Variants in ARHGAP39 observed in about 807,000 individuals in gnomAD.
ARHGAP39 encodes the protein rho GTPase-activating protein 39.
A neutral mutation model predicts 106.9 loss-of-function variants in ARHGAP39; 44 were observed. The ratio of observed to expected loss-of-function variants is 0.41; its 90% CI spans 0.32 to 0.53. ARHGAP39 has a LOEUF of 0.53. Among genes scored for constraint, ARHGAP39 ranks in the 20% least tolerant of loss-of-function variants. The pLI, the probability that ARHGAP39 is intolerant of heterozygous loss-of-function variation, is 0.21. For synonymous variants in ARHGAP39, 768 were observed against 693.2 expected (o/e 1.11, Z -1.69); for missense variants, 1,496 against 1,577.3 (o/e 0.95, Z 0.87).
intron 1 of ARHGAP39, among the ~76,000 whole-genome samples, chr8:144,630,808 G>C (rs891208023): frequency 1.3e-5 from 2 of 152,238 alleles, no homozygotes; most frequent in African/African-American, 2.4e-5. Flanking sequence ...CCTTGCTCAC[G>C]GACTTCCCAG....
At position 144,561,844 on chromosome 8, in the gene ARHGAP39, G is replaced by A. The variant is rs866927943; in HGVS notation, c.513-6201C>T. On this transcript the variant is annotated intron_variant, in intron 3 of 11. Coordinates refer to ENST00000377307, the MANE Select transcript of ARHGAP39 (RefSeq NM_025251.3). ...TCCCAGTGGTTTCCATCGGGCTCCA[G>A]TGGTTTCCATTGGACTCACCCCAGT... Among the ~76,000 whole-genome samples, 57 of 141,518 alleles carry A rather than the reference G, an allele frequency of 4.0e-4. 1 individual carries two copies. Among genetic ancestry groups the A allele is most frequent in the Middle Eastern group, 5.3e-3 (1 of 190 alleles). The allele number at this position is 141,518 out of a possible 152,430, so 92.8% of individuals were successfully genotyped here.
chr8:144,552,233 C>T (rs1218270798), intron 4 of ARHGAP39, among the ~76,000 whole-genome samples: 1 of 152,238 alleles, frequency 6.6e-6, no homozygotes, highest in East Asian at 1.9e-4. Flanking sequence ...AGGGCTGCTT[C>T]TCCCAGAGCC....
chr8:144,697,052 C>T, the ARHGAP39 span, among the ~76,000 whole-genome samples: 4 of 152,078 alleles, frequency 2.6e-5, no homozygotes, highest in East Asian at 1.9e-4. Flanking sequence ...TGGTCGGGCG[C>T]GGTGGCTCAT....
intron 7 of ARHGAP39, 97 bp from the exon 8 acceptor site, chr8:144,534,299 G>T: frequency 7.1e-7 from 1 of 1,400,698 alleles, no homozygotes; most frequent in Non-Finnish European, 1.0e-6. Flanking sequence ...GGCCCTGGGG[G>T]GCTGGGCTGG....
chr8:144,561,701 A>G (rs1251332220), intron 3 of ARHGAP39, among the ~76,000 whole-genome samples: 3 of 148,086 alleles, frequency 2.0e-5, no homozygotes, highest in Non-Finnish European at 4.4e-5. Flanking sequence ...AGTGGTTTCC[A>G]TCACACTCCA....
intron 2 of ARHGAP39, among the ~76,000 whole-genome samples, chr8:144,603,278 G>A (rs1409546211): frequency 6.6e-6 from 1 of 150,868 alleles, no homozygotes. Flanking sequence ...TGTGCGTGGA[G>A]GTGTGTGTGC....
chr8:144,547,762 C>T lies in ARHGAP39; in HGVS notation c.1324G>A (p.Gly442Ser), dbSNP rs2130844160. 1 of 1,598,384 alleles carries T rather than the reference C, an allele frequency of 6.3e-7. No homozygotes were observed. The highest frequency in any genetic ancestry group is 8.5e-7 in the Non-Finnish European group (1 of 1,177,430). The change falls in exon 5 of 12, where the codon GGC becomes AGC. Residue 442 changes from glycine to serine, a missense_variant. Around this residue, in one of 4 missense-constraint regions of ARHGAP39, gnomAD observed 905 missense variants for 816.4 expected, o/e 1.11. Transcript: ENST00000377307. The surrounding 1 kb of genome is among the most constrained non-coding windows in gnomAD (Gnocchi z 5.2). ...GTGCTGTAGTCTCCGGACTTGACGC[C>T]CAGGCGCTGGTCCCTCAGCAGGCAG... Reference protein sequence around the residue: ...SPCLLRDQRLGVKSGDYSTME... With the variant: ...SPCLLRDQRLSVKSGDYSTME...
At chr8:144,579,617 G>C (rs1432671334) in intron 3 of ARHGAP39, among the ~76,000 whole-genome samples, 2 of 152,134 alleles carry the variant, frequency 1.3e-5, no homozygotes, top group Non-Finnish European at 2.9e-5. Context: ...CCGGGTCCAC[G>C]GGATGAACCT....
At chr8:144,563,832 T>C (rs1449241972) in intron 3 of ARHGAP39, among the ~76,000 whole-genome samples, 1 of 152,080 alleles carries the variant, frequency 6.6e-6, no homozygotes, top group Non-Finnish European at 1.5e-5. Flanking sequence ...AAGTGCACAA[T>C]TAATGACTTT....
At position 144,540,894 on chromosome 8, in the gene ARHGAP39, C is replaced by T. The variant is rs138360691; in HGVS notation, c.2522-3081G>A. ...TTTGAAACAGTCTTGCTCTGTTGCC[C>T]AGGCTAGAGTGCAATGGCAAGATCT... is the stretch of plus-strand genomic sequence containing the variant. On this transcript the variant is annotated intron_variant, in intron 6 of 11. Transcript: ENST00000377307. 3.9e-3 allele frequency among the ~76,000 whole-genome samples: 590 copies of T among 152,342 alleles called. 3 individuals are homozygous for T. Among genetic ancestry groups the T allele is most frequent in the African/African-American group, 0.014 (572 of 41,566 alleles).
intron 2 of ARHGAP39, among the ~76,000 whole-genome samples, chr8:144,582,016 C>T (rs1299063471): frequency 2.0e-5 from 3 of 152,140 alleles, no homozygotes; most frequent in African/African-American, 7.2e-5. Context: ...GCCTGGTCCT[C>T]GCCATCACCG....
intron 2 of ARHGAP39, among the ~76,000 whole-genome samples, chr8:144,601,049 T>G (rs928104141): frequency 6.3e-5 from 9 of 142,346 alleles, no homozygotes; most frequent in African/African-American, 2.4e-4. Context: ...TGTGTGCACA[T>G]GGAGGCGTGC....
intron 1 of ARHGAP39, among the ~76,000 whole-genome samples, chr8:144,607,235 CAAA>C (rs1167793437): frequency 7.5e-4 from 38 of 50,698 alleles, no homozygotes; most frequent in Middle Eastern, 8.5e-3. Context: ...GACATTGTCT[CAAA>C]AAAAAAAAAA....
At chr8:144,555,378 G>A (rs1276646459) in intron 4 of ARHGAP39, among the ~76,000 whole-genome samples, 182 bp downstream of exon 4, 2 of 152,182 alleles carry the variant, frequency 1.3e-5, no homozygotes, top group Non-Finnish European at 2.9e-5. Flanking sequence ...CTGCCAATGG[G>A]CCTGGGGCAG....
intron 1 of ARHGAP39, among the ~76,000 whole-genome samples, chr8:144,649,507 C>T (rs990774429): frequency 6.6e-6 from 1 of 152,054 alleles, no homozygotes; most frequent in Admixed American, 6.6e-5. Flanking sequence ...CTGTGGCTCA[C>T]ATCTGTAATC....
chr8:144,648,594 T>C (rs1014125705), intron 1 of ARHGAP39, among the ~76,000 whole-genome samples: 1 of 152,170 alleles, frequency 6.6e-6, no homozygotes, highest in African/African-American at 2.4e-5. Flanking sequence ...GTAGAGCAAG[T>C]TCCACTCAAC....
At chr8:144,613,464 T>C (rs1322570086) in intron 1 of ARHGAP39, among the ~76,000 whole-genome samples, 1 of 152,134 alleles carries the variant, frequency 6.6e-6, no homozygotes, top group East Asian at 1.9e-4. Context: ...TTAAAAGATA[T>C]TTAGGTATAG....
intron 4 of ARHGAP39, among the ~76,000 whole-genome samples, chr8:144,551,313 C>G (rs544774746): frequency 6.6e-6 from 1 of 152,188 alleles, no homozygotes; most frequent in Non-Finnish European, 1.5e-5. Flanking sequence ...ATCTCAGGAA[C>G]GGACATGGGT....
At chr8:144,676,673 C>T (rs951293925) in intron 1 of ARHGAP39, among the ~76,000 whole-genome samples, 20 of 152,264 alleles carry the variant, frequency 1.3e-4, no homozygotes, top group South Asian at 2.1e-4. Flanking sequence ...CCGGGCACTC[C>T]GGCAGCCCAG....
Sources: gnomAD v4.1 joint callset for allele counts (sites outside exome capture counted in the v4.1 genomes callset) on GRCh38, gnomAD v4.1.1 for gene constraint, gnomAD v4.1.1 regional missense constraint, Gnocchi (gnomAD v3.1) non-coding constraint, MANE v1.5 for transcripts, NCBI Gene and HGNC (gene_info 2026-07-23, HGNC 2026-07-21) for gene names.